Variants in GRM1 observed in about 807,000 individuals in gnomAD.
GRM1 encodes metabotropic glutamate receptor 1.
Under a neutral mutation model 90.9 loss-of-function variants are expected in GRM1, and 33 were observed. The ratio of observed to expected loss-of-function variants is 0.36; its 90% confidence interval spans 0.28 to 0.49. GRM1 has a LOEUF of 0.49. Ranked by LOEUF, GRM1 falls within the 20% of genes least tolerant of loss-of-function variation. GRM1 has a pLI of 0.99. For missense variants in GRM1, 1,190 were observed against 1,534.3 expected (o/e 0.78, Z 3.75); for synonymous variants, 700 against 613.2 (o/e 1.14, Z -2.09).
At chr6:146,150,679 T>C (rs1777289976) in intron 1 of GRM1, among the ~76,000 whole-genome samples, 1 of 152,154 alleles carries the variant, frequency 6.6e-6, no homozygotes, top group African/African-American at 2.4e-5. Flanking sequence ...TATTTTTGTA[T>C]TCATTAACCA....
At chr6:146,033,000 C>T (rs1337499310) in intron 1 of GRM1, among the ~76,000 whole-genome samples, 1 of 151,950 alleles carries the variant, frequency 6.6e-6, no homozygotes, top group African/African-American at 2.4e-5. Context: ...TTTATATTCT[C>T]TTACATTCTT....
intron 2 of GRM1, among the ~76,000 whole-genome samples, chr6:146,220,339 A>T (rs1049593772): frequency 6.6e-6 from 1 of 152,028 alleles, no homozygotes; most frequent in Non-Finnish European, 1.5e-5. Flanking sequence ...TTTTTAAGAA[A>T]TTTTTTTCAC....
chr6:146,043,012 CA>C (rs1791172902), intron 1 of GRM1, among the ~76,000 whole-genome samples: 1 of 151,894 alleles, frequency 6.6e-6, no homozygotes, highest in Non-Finnish European at 1.5e-5. Flanking sequence ...AATAGGTTTC[CA>C]GGGGCCACCC....
chr6:146,222,186 C>T (rs1412553428), intron 2 of GRM1, among the ~76,000 whole-genome samples: 2 of 152,130 alleles, frequency 1.3e-5, no homozygotes, highest in Non-Finnish European at 2.9e-5. Context: ...ATTGTAAAGA[C>T]TCTTAAGATG....
chr6:146,337,675 A>G (rs1193072706), intron 3 of GRM1, among the ~76,000 whole-genome samples: 2 of 152,078 alleles, frequency 1.3e-5, no homozygotes, highest in African/African-American at 4.8e-5. Flanking sequence ...ATACAGCACA[A>G]TGATGTACTT....
chr6:146,095,493 G>A (rs1776846187), intron 1 of GRM1, among the ~76,000 whole-genome samples: 1 of 152,086 alleles, frequency 6.6e-6, no homozygotes, highest in South Asian at 2.1e-4. Flanking sequence ...AACTCTGCAT[G>A]AGTGTTCCAT....
Position 146,110,448 on chromosome 6 carries a change from C to T in GRM1, c.701-48900C>T, listed in dbSNP as rs188831490. On this transcript the variant is annotated intron_variant, in intron 1 of 7. Transcript: ENST00000282753. ...TGATTGTGAGGCCTCTCCAGCCACA[C>T]GGAACTGTTAAGTCCAATAAACCTC... Among the ~76,000 whole-genome samples the T allele has an allele frequency of 5.9e-5, 9 of 152,268 alleles. No individual in the cohort carries two copies. The South Asian group carries it at 6.2e-4, about 11-fold the overall frequency.
intron 1 of GRM1, among the ~76,000 whole-genome samples, chr6:146,051,779 T>C (rs1426749989): frequency 6.6e-6 from 1 of 152,070 alleles, no homozygotes; most frequent in Non-Finnish European, 1.5e-5. Flanking sequence ...TTCCTGAAGT[T>C]TCCTGAGAAT....
chr6:146,375,695 G>T (rs1776072459), intron 5 of GRM1, among the ~76,000 whole-genome samples: 1 of 151,856 alleles, frequency 6.6e-6, no homozygotes, highest in South Asian at 2.1e-4. Flanking sequence ...ATTATATTGT[G>T]TTATATGAGA....
intron 3 of GRM1, among the ~76,000 whole-genome samples, chr6:146,312,778 C>A (rs362963): frequency 0.021 from 3,194 of 152,262 alleles, 47 homozygotes; most frequent in African/African-American, 0.031. Flanking sequence ...TGTTGAATAT[C>A]CTGACGAATT....
Position 146,339,737 on chromosome 6 carries a change from A to G in GRM1, c.1187-12513A>G, listed in dbSNP as rs183573157. Among the ~76,000 whole-genome samples the G allele has an allele frequency of 1.1e-3, 161 of 152,326 alleles. 1 individual carries two copies. The highest frequency in any genetic ancestry group is 6.9e-3 in the Admixed American group (105 of 15,296). On this transcript the variant is annotated intron_variant, in intron 3 of 7. Coordinates refer to ENST00000282753, the MANE Select transcript of GRM1 (RefSeq NM_001278064.2). Reference sequence around the variant, plus strand: ...ATATCACAGAGTCTACTCTGACAATACAAAGAAGGTTTTGCAAATTGGTGG... The same window carrying G: ...ATATCACAGAGTCTACTCTGACAATGCAAAGAAGGTTTTGCAAATTGGTGG...
chr6:146,178,252 G>A (rs1778408161), intron 2 of GRM1, among the ~76,000 whole-genome samples: 1 of 152,134 alleles, frequency 6.6e-6, no homozygotes, highest in Admixed American at 6.5e-5. Context: ...TTTGTAGAAT[G>A]TCTCTCATCT....
intron 1 of GRM1, among the ~76,000 whole-genome samples, chr6:146,111,534 G>A (rs1022364074): frequency 6.6e-6 from 1 of 152,170 alleles, no homozygotes; most frequent in Admixed American, 6.5e-5. Context: ...CATTAGAGAA[G>A]GTGGTTGTAG....
intron 2 of GRM1, among the ~76,000 whole-genome samples, chr6:146,196,810 A>G (rs1009856443): frequency 6.6e-6 from 1 of 152,188 alleles, no homozygotes; most frequent in African/African-American, 2.4e-5. Context: ...TTTCATTTAT[A>G]TATAATAATT....
intron 1 of GRM1, among the ~76,000 whole-genome samples, chr6:146,067,904 G>T (rs1775900510): frequency 6.6e-6 from 1 of 152,096 alleles, no homozygotes; most frequent in South Asian, 2.1e-4. Context: ...TCTCATAATA[G>T]AGAAAATAAT....
At chr6:146,043,796 T>TAG (rs1554260532) in intron 1 of GRM1, among the ~76,000 whole-genome samples, 2 of 137,940 alleles carry the variant, frequency 1.4e-5, no homozygotes, top group African/African-American at 2.6e-5. Context: ...TATATATATA[T>TAG]ATATATATAT....
At chr6:146,393,686 C>T (rs1334270688) in intron 6 of GRM1, among the ~76,000 whole-genome samples, 1 of 152,080 alleles carries the variant, frequency 6.6e-6, no homozygotes, top group Non-Finnish European at 1.5e-5. Flanking sequence ...AATGGCCATA[C>T]TGCCCAAAGT....
chr6:146,080,693 G>A (rs548589015), intron 1 of GRM1, among the ~76,000 whole-genome samples: 55 of 152,262 alleles, frequency 3.6e-4, no homozygotes, highest in Middle Eastern at 3.4e-3. Flanking sequence ...GAGGACAAGA[G>A]CAGTAAAGGG....
intron 7 of GRM1, among the ~76,000 whole-genome samples, chr6:146,414,046 A>G (rs1158412434): frequency 6.6e-6 from 1 of 152,176 alleles, no homozygotes; most frequent in Non-Finnish European, 1.5e-5. Flanking sequence ...ATATATTTTC[A>G]CTTAGTGTGG....
Sources: allele counts gnomAD v4.1 joint callset (sites outside exome capture counted in the v4.1 genomes callset), GRCh38; gene constraint gnomAD v4.1.1; transcripts MANE v1.5; gene names NCBI Gene and HGNC (gene_info 2026-07-23, HGNC 2026-07-21).